The following DZIP1 variants were observed in gnomAD, a reference collection of about 807,000 sequenced individuals.
DZIP1 encodes the protein DAZ interacting zinc finger protein 1, also known as cilium assembly protein DZIP1.
Under a neutral mutation model 107.6 loss-of-function variants are expected in DZIP1, and 97 were observed. The ratio of observed to expected loss-of-function variants is 0.90; its 90% CI spans 0.77 to 1.07. The LOEUF is 1.07. Ranked by LOEUF, DZIP1 falls within the 50% of genes least tolerant of loss-of-function variation. The pLI, the probability that DZIP1 is intolerant of heterozygous loss-of-function variation, is 0.00. For synonymous variants in DZIP1, 390 were observed against 386.4 expected, an observed-to-expected ratio of 1.01 and a Z score of -0.11; for missense variants, 1,035 against 1,063.6, an observed-to-expected ratio of 0.97 and a Z score of 0.37.
Position 95,641,382 on chromosome 13 carries a change from G to C in DZIP1, c.510C>G (p.Ile170Met). ...GTTTGCACTCTTCCTTGAGCGTCTT[G>C]ATCTCCCCCGCCTGCTTGGTGAGCA... is the stretch of plus-strand genomic sequence containing the variant. ...KKLLTKQAGE[I>M]KTLKEECKRR... The change falls in exon 5 of 23, where the codon ATC becomes ATG. Residue 170 changes from isoleucine (I) to methionine (M), a missense_variant. Coordinates refer to ENST00000376829, the MANE Select transcript of DZIP1 (RefSeq NM_198968.4). The surrounding 1 kb of genome is among the most constrained non-coding windows in gnomAD (Gnocchi z 4.3). 6.2e-7 allele frequency: 1 copy of C among 1,614,126 alleles called. No individual in the cohort carries two copies. Among genetic ancestry groups the C allele is most frequent in the Non-Finnish European group, 8.5e-7 (1 of 1,179,996 alleles).
intron 12 of DZIP1, among the ~76,000 whole-genome samples, chr13:95,610,111 T>TGTGTGTGTGTGAGAGAGAGAGA (rs368276400): frequency 6.3e-5 from 8 of 126,770 alleles, no homozygotes; most frequent in African/African-American, 1.7e-4. Context: ...TGTGTGTGTG[T>TGTGTGTGTGTGAGAGAGAGAGA]GAGAGAGAGA....
intron 13 of DZIP1, among the ~76,000 whole-genome samples, chr13:95,606,386 T>G (rs377198702): frequency 1.3e-5 from 2 of 152,282 alleles, no homozygotes; most frequent in African/African-American, 4.8e-5. Flanking sequence ...CCATCACACC[T>G]CATTTCTGCC....
rs1441349574 is a variant in DZIP1 at position 95,644,686 on chromosome 13, CCTCGG to C, written c.-840_-836del. ...TCCGCGATCTCCCTCCGGCCTCTTCCCTCGGTGTCCCGGCTCCTCTGGCAACTGGG... is the reference window on the plus strand; with the variant it reads ...TCCGCGATCTCCCTCCGGCCTCTTCCTGTCCCGGCTCCTCTGGCAACTGGG... On this transcript the variant is annotated 5_prime_UTR_variant, in exon 1 of 23. Transcript: ENST00000376829. 2.6e-5 allele frequency: 4 copies of C among 151,282 alleles called. No homozygotes were observed. Among genetic ancestry groups the C allele is most frequent in the Non-Finnish European group, 5.9e-5 (4 of 67,758 alleles). 9.4% of individuals were successfully genotyped at this position (151,282 alleles called of 1,614,324 possible).
intron 5 of DZIP1, among the ~76,000 whole-genome samples, chr13:95,635,249 T>G (rs1450918665): frequency 6.8e-6 from 1 of 147,548 alleles, no homozygotes; most frequent in Non-Finnish European, 1.5e-5. Context: ...CAGGCTGGAG[T>G]ACAGTGGCGT....
At position 95,629,871 on chromosome 13, in the gene DZIP1, GC is replaced by G. The variant is rs1594729710; in HGVS notation, c.810+117del. On this transcript the variant is annotated intron_variant, in intron 7 of 22. Transcript: ENST00000376829. ...AAAGAGTAGATTGGCAATAAAAAAT[GC>G]AATCATCTTGTCAAATTCACAAACT... 21 of 1,018,594 alleles carry G rather than the reference GC, an allele frequency of 2.1e-5. No individual in the cohort carries two copies. In the East Asian group the frequency reaches 6.1e-4, roughly 30 times the overall value. 63.1% of individuals were successfully genotyped at this position (1,018,594 alleles called of 1,614,324 possible).
At position 95,601,028 on chromosome 13, in the gene DZIP1, G is replaced by A. The variant is rs1249237308; in HGVS notation, c.1478-1604C>T. Among the ~76,000 whole-genome samples the A allele has an allele frequency of 2.6e-5, 4 of 152,064 alleles. No individual in the cohort carries two copies. The East Asian group carries it at 7.7e-4, about 29-fold the overall frequency. On this transcript the variant is annotated intron_variant, in intron 14 of 22. Transcript: ENST00000376829. ...TTTTATTTACTTGTGATCAAAATAA[G>A]GTCACAAGGAAACTTTTAATAAAAC...
intron 7 of DZIP1, 37 bp from the exon 8 acceptor site, chr13:95,624,966 G>T (rs201724363): frequency 2.6e-6 from 4 of 1,528,906 alleles, no homozygotes. Context: ...AAAAGTTCTG[G>T]TCTGAAGAAA....
intron 8 of DZIP1, among the ~76,000 whole-genome samples, chr13:95,623,141 A>G (rs939649223): frequency 1.3e-5 from 2 of 152,164 alleles, no homozygotes; most frequent in African/African-American, 4.8e-5. Flanking sequence ...AGAGGCCAAC[A>G]CTGTCCAGGG....
At chr13:95,624,032 G>A (rs1447758294) in intron 8 of DZIP1, among the ~76,000 whole-genome samples, 1 of 144,044 alleles carries the variant, frequency 6.9e-6, no homozygotes, top group Non-Finnish European at 1.5e-5. Flanking sequence ...TGGGCCATTC[G>A]CCAAATCTCA....
intron 9 of DZIP1, among the ~76,000 whole-genome samples, chr13:95,621,851 G>A (rs1875903005): frequency 6.6e-6 from 1 of 151,872 alleles, no homozygotes; most frequent in South Asian, 2.1e-4. Context: ...CCGAGAAGCT[G>A]GGATTACAGG....
rs1384617515 is a variant in DZIP1 at position 95,580,076 on chromosome 13, C to G, written c.*2158G>C. ...TGCAGCAGGGCGCGATGGCTCACGC[C>G]TATAATCCCAGCACTTTGGGAGGAC... On this transcript the variant is annotated 3_prime_UTR_variant, in exon 23 of 23. Coordinates refer to ENST00000376829, the MANE Select transcript of DZIP1 (RefSeq NM_198968.4). 1 of 152,184 alleles carries G rather than the reference C, an allele frequency of 6.6e-6. No homozygotes were observed. The highest frequency in any genetic ancestry group is 2.4e-5 in the African/African-American group (1 of 41,430). The allele number at this position is 152,184 out of a possible 1,614,324, so 9.4% of individuals were successfully genotyped here.
rs751330249 is a variant in DZIP1 at position 95,641,420 on chromosome 13, GCT to G, written c.470_471del (p.Glu157AlafsTer47). The G allele has an allele frequency of 6.2e-7, 1 of 1,614,000 alleles. No individual in the cohort carries two copies. Among genetic ancestry groups the G allele is most frequent in the Non-Finnish European group, 8.5e-7 (1 of 1,180,008 alleles). The stretch of plus-strand genomic sequence containing the variant: ...TGCTTGGTGAGCAGCTTCTTGCTCT[GCT>G]CGCCGTCGCAGTGGCTCAGGCGCAG... The part of the protein sequence containing the change: ...ERLRLSHCDG[E>X]QSKKLLTKQA... On this transcript the variant is annotated frameshift_variant, in exon 5 of 23. Transcript: ENST00000376829. LOFTEE classifies it high-confidence loss of function. This position sits in a 1 kb window ranked among gnomAD's most constrained non-coding sequence, Gnocchi z 4.3.
intron 10 of DZIP1, among the ~76,000 whole-genome samples, chr13:95,619,459 C>A (rs977822580): frequency 1.3e-5 from 2 of 152,154 alleles, no homozygotes. Flanking sequence ...CTCAGAACTG[C>A]TTGTTTCAAT....
rs374870127 is a variant in DZIP1 at position 95,587,611 on chromosome 13, T to G, written c.2146A>C (p.Thr716Pro). 1.1e-5 allele frequency: 17 copies of G among 1,614,142 alleles called. No individual in the cohort carries two copies. The highest frequency in any genetic ancestry group is 3.3e-4 in the Middle Eastern group (2 of 6,062). Residue 716 changes from threonine (T) to proline (P), a missense_variant, in exon 20 of 23, where the codon ACA becomes CCA. By Grantham distance (38) the Thr-to-Pro change is conservative. Transcript: ENST00000376829. Reference sequence around the variant, plus strand: ...GTCCCGTCCGCGTCACTTTTCACTGTGTTCTTCCCGAAGCTGCCCTTGTTT... The same window carrying G: ...GTCCCGTCCGCGTCACTTTTCACTGGGTTCTTCCCGAAGCTGCCCTTGTTT... ...PQNKGSFGKN[T>P]VKSDADGTEG...
Position 95,579,360 on chromosome 13 carries a change from C to A in DZIP1, c.*2874G>T, listed in dbSNP as rs1594629802. 6.6e-6 allele frequency: 1 copy of A among 152,340 alleles called. No individual in the cohort carries two copies. Among genetic ancestry groups the A allele is most frequent in the South Asian group, 2.1e-4 (1 of 4,826 alleles). The allele number at this position is 152,340 out of a possible 1,614,324, so 9.4% of individuals were successfully genotyped here. On this transcript the variant is annotated 3_prime_UTR_variant, in exon 23 of 23. Transcript: ENST00000376829. Reference sequence around the variant, plus strand: ...GCCCTATATAACATGCCCACAAGGGCAACAGTTATCACAGTTCATACACAC... The same window carrying A: ...GCCCTATATAACATGCCCACAAGGGAAACAGTTATCACAGTTCATACACAC...
intron 14 of DZIP1, among the ~76,000 whole-genome samples, chr13:95,605,623 T>C (rs2044749462): frequency 6.6e-6 from 1 of 152,226 alleles, no homozygotes; most frequent in Admixed American, 6.5e-5. Context: ...TTGAAAGTTA[T>C]AAAAACAACC....
intron 5 of DZIP1, among the ~76,000 whole-genome samples, chr13:95,637,586 AAG>A (rs1306879698): frequency 6.1e-5 from 9 of 146,768 alleles, no homozygotes; most frequent in African/African-American, 1.8e-4. Context: ...AAAAAAGAAA[AAG>A]AGAGAGACAT....
chr13:95,590,312 A>G lies in DZIP1; in HGVS notation c.1810T>C (p.Cys604Arg). 6.2e-7 allele frequency: 1 copy of G among 1,613,758 alleles called. No individual in the cohort carries two copies. The highest frequency in any genetic ancestry group is 8.5e-7 in the Non-Finnish European group (1 of 1,179,882). ...IREFLEHQVS[C>R]KIEEKALLSS... ...AGTAGTGCTTTCTCCTCAATTTTACAGCTGACTTGATGTTCAAGGAATTCT... is the reference window on the plus strand; with the variant it reads ...AGTAGTGCTTTCTCCTCAATTTTACGGCTGACTTGATGTTCAAGGAATTCT... Residue 604 changes from cysteine to arginine, a missense_variant, in exon 17 of 23, where the codon TGT becomes CGT. Coordinates refer to ENST00000376829, the MANE Select transcript of DZIP1 (RefSeq NM_198968.4).
At position 95,587,602 on chromosome 13, in the gene DZIP1, T is replaced by G. The variant is rs1013116095; in HGVS notation, c.2155A>C (p.Ser719Arg). 3 of 1,613,984 alleles carry G rather than the reference T, an allele frequency of 1.9e-6. No individual in the cohort carries two copies. The highest frequency in any genetic ancestry group is 2.5e-6 in the Non-Finnish European group (3 of 1,180,016). ...KGSFGKNTVKSDADGTEGSEI... is the reference protein window; with the variant it reads ...KGSFGKNTVKRDADGTEGSEI... ...CTTCCCTCGGTCCCGTCCGCGTCAC[T>G]TTTCACTGTGTTCTTCCCGAAGCTG... is the stretch of plus-strand genomic sequence containing the variant. The change falls in exon 20 of 23, where the codon AGT (serine) becomes CGT (arginine). Residue 719 changes from serine to arginine, a missense_variant. Ser to Arg is a moderately radical substitution (Grantham distance 110, BLOSUM62 -1). Coordinates refer to ENST00000376829, the MANE Select transcript of DZIP1 (RefSeq NM_198968.4).
Sources: allele counts gnomAD v4.1 joint callset (sites outside exome capture counted in the v4.1 genomes callset), GRCh38; gene constraint gnomAD v4.1.1; non-coding constraint Gnocchi (gnomAD v3.1); transcripts MANE v1.5; gene names NCBI Gene and HGNC (gene_info 2026-07-23, HGNC 2026-07-21).